SLC15A5: variants seen among roughly 807,000 people sequenced by gnomAD.
The protein encoded by SLC15A5 is solute carrier family 15 member 5, also known as Peptide/histidine transporter ENSP00000340402.
In SLC15A5, 58 loss-of-function variants were observed where a neutral mutation model predicts 56.1. That is an observed-to-expected ratio of 1.03 (90% CI 0.84 to 1.29). The LOEUF is 1.29. Among genes scored for constraint, SLC15A5 ranks in the 50% most tolerant of loss-of-function variants. The pLI is 0.00. For missense variants in SLC15A5, 681 were observed against 672.1 expected, an observed-to-expected ratio of 1.01 and a Z score of -0.15; for synonymous variants, 264 against 250.5, an observed-to-expected ratio of 1.05 and a Z score of -0.51.
At chr12:16,226,403 T>A (rs529015475) in intron 5 of SLC15A5, among the ~76,000 whole-genome samples, 1 of 152,086 alleles carries the variant, frequency 6.6e-6, no homozygotes, top group South Asian at 2.1e-4. Flanking sequence ...TTTTAAAACT[T>A]TTTTTCCCAG....
intron 3 of SLC15A5, among the ~76,000 whole-genome samples, chr12:16,256,913 A>AATAAGATAG (rs1555173303): frequency 7.0e-4 from 104 of 148,578 alleles, no homozygotes; most frequent in Non-Finnish European, 1.3e-3. Flanking sequence ...ATGCATGGGG[A>AATAAGATAG]ATAGATAGAT....
intron 7 of SLC15A5, among the ~76,000 whole-genome samples, chr12:16,199,259 GTA>G (rs1166677611): frequency 7.4e-6 from 1 of 135,594 alleles, no homozygotes; most frequent in Admixed American, 8.1e-5. Context: ...GGCTGTGAGT[GTA>G]TGTGACTAAT....
chr12:16,201,017 A>T (rs534383546), intron 7 of SLC15A5, among the ~76,000 whole-genome samples: 1 of 152,284 alleles, frequency 6.6e-6, no homozygotes, highest in South Asian at 2.1e-4. Context: ...TACAGAGGAG[A>T]TAACAATGTT....
chr12:16,239,006 T>A (rs1280076596), intron 5 of SLC15A5, among the ~76,000 whole-genome samples: 2 of 152,178 alleles, frequency 1.3e-5, no homozygotes, highest in Admixed American at 1.3e-4. Flanking sequence ...ACAAGGAAGT[T>A]TCAGTGGCTT....
intron 5 of SLC15A5, among the ~76,000 whole-genome samples, chr12:16,238,629 CAAAAAAAAA>C (rs36053667): frequency 8.6e-6 from 1 of 116,084 alleles, no homozygotes; most frequent in Non-Finnish European, 1.7e-5. Context: ...GACTCCGTCT[CAAAAAAAAA>C]AAAAAAAAAT....
chr12:16,226,272 G>T (rs1158896861), intron 5 of SLC15A5, among the ~76,000 whole-genome samples: 9 of 151,942 alleles, frequency 5.9e-5, no homozygotes, highest in African/African-American at 1.9e-4. Context: ...ATAATGACAA[G>T]AAAAAAAGTC....
At chr12:16,244,853 T>C in intron 3 of SLC15A5, 53 bp from the exon 4 acceptor site, 11 of 1,480,804 alleles carry the variant, frequency 7.4e-6, no homozygotes, top group Non-Finnish European at 1.0e-5. Flanking sequence ...TCTCCAGTTT[T>C]TCAAGATGCT....
rs1864338429 is a variant in SLC15A5, at chr12:16,235,245, A to AGTATGT, written c.1162+4435_1162+4436insACATAC. On this transcript the variant is annotated intron_variant, in intron 5 of 8. Transcript: ENST00000344941. The surrounding 1 kb of genome is among the most constrained non-coding windows in gnomAD (Gnocchi z 4.1). The stretch of plus-strand genomic sequence containing the variant: ...TATATACAAAACACGACATGTTATA[A>AGTATGT]GTATATATGTGTATATATATGTATA... Among the ~76,000 whole-genome samples the AGTATGT allele has an allele frequency of 7.2e-6, 1 of 137,970 alleles. No individual in the cohort carries two copies. The highest frequency in any genetic ancestry group is 1.6e-5 in the Non-Finnish European group (1 of 63,994). 90.5% of individuals were successfully genotyped at this position (137,970 alleles called of 152,430 possible). A position where few individuals can be genotyped will look rare whatever the true frequency, so the allele number is the denominator to read the frequency against.
intron 3 of SLC15A5, 122 bp downstream of exon 3, chr12:16,257,579 A>C: frequency 1.4e-6 from 1 of 724,356 alleles, no homozygotes. Flanking sequence ...TATCAAGGGT[A>C]ATATCTGACA....
At chr12:16,266,767 C>CA in intron 2 of SLC15A5, among the ~76,000 whole-genome samples, 1 of 152,250 alleles carries the variant, frequency 6.6e-6, no homozygotes, top group African/African-American at 2.4e-5. Flanking sequence ...CACAAAAAGT[C>CA]AGAGAGCAAA....
chr12:16,193,633 G>T (rs762368210), intron 8 of SLC15A5, among the ~76,000 whole-genome samples: 1 of 151,880 alleles, frequency 6.6e-6, no homozygotes, highest in Non-Finnish European at 1.5e-5. Context: ...TTTCTGCTTC[G>T]TGACAGACAT....
At chr12:16,257,299 GAGA>G (rs1252317296) in intron 3 of SLC15A5, among the ~76,000 whole-genome samples, 2 of 152,176 alleles carry the variant, frequency 1.3e-5, no homozygotes, top group Non-Finnish European at 2.9e-5. Context: ...TTACCCGGGT[GAGA>G]AGAAGAAAAA....
intron 4 of SLC15A5, among the ~76,000 whole-genome samples, chr12:16,241,882 A>T (rs1363470531): frequency 6.6e-6 from 1 of 152,216 alleles, no homozygotes; most frequent in Non-Finnish European, 1.5e-5. Flanking sequence ...AGCAATATTA[A>T]TATATTGCCT....
chr12:16,273,736 A>ATTT (rs34600919), intron 1 of SLC15A5, among the ~76,000 whole-genome samples: 1 of 144,104 alleles, frequency 6.9e-6, no homozygotes, highest in Non-Finnish European at 1.5e-5. Context: ...AGTCAAATAA[A>ATTT]TTTTTTTTTT....
chr12:16,194,559 A>G, intron 7 of SLC15A5, 106 bp from the exon 8 acceptor site: 1 of 667,454 alleles, frequency 1.5e-6, no homozygotes, highest in Non-Finnish European at 2.3e-6. Flanking sequence ...AGTAATATCC[A>G]CAAAGCAAAA....
At chr12:16,258,197 G>T (rs1020431132) in intron 2 of SLC15A5, among the ~76,000 whole-genome samples, 1 of 152,134 alleles carries the variant, frequency 6.6e-6, no homozygotes, top group Non-Finnish European at 1.5e-5. Flanking sequence ...TACAGTCTCT[G>T]TAGCACTGTG....
At chr12:16,221,837 C>T (rs1025932739) in intron 6 of SLC15A5, among the ~76,000 whole-genome samples, 1 of 151,680 alleles carries the variant, frequency 6.6e-6, no homozygotes, top group Non-Finnish European at 1.5e-5. Context: ...AGTTATATTT[C>T]AGAGTAAAAA....
At chr12:16,192,744 A>G (rs978669626) in intron 8 of SLC15A5, among the ~76,000 whole-genome samples, 2 of 152,040 alleles carry the variant, frequency 1.3e-5, no homozygotes, top group Non-Finnish European at 2.9e-5. Flanking sequence ...GCCACACCTC[A>G]ATGTAAGTCT....
At chr12:16,272,494 T>C (rs1182249743) in intron 2 of SLC15A5, 67 bp downstream of exon 2, 4 of 1,433,340 alleles carry the variant, frequency 2.8e-6, no homozygotes, top group Non-Finnish European at 3.8e-6. Flanking sequence ...ACTACCCAAA[T>C]GGAATCAGAA....
Sources: allele counts gnomAD v4.1 joint callset (sites outside exome capture counted in the v4.1 genomes callset), GRCh38; gene constraint gnomAD v4.1.1; non-coding constraint Gnocchi (gnomAD v3.1); transcripts MANE v1.5; gene names NCBI Gene and HGNC (gene_info 2026-07-23, HGNC 2026-07-21).